Variants in ROBO2 observed in about 807,000 individuals in gnomAD.
ROBO2 encodes the protein roundabout homolog 2.
In ROBO2, 53 loss-of-function variants were observed where a neutral mutation model predicts 160.8. That is an observed-to-expected ratio of 0.33 (90% CI 0.26 to 0.41). ROBO2 has a LOEUF of 0.41. Among genes scored for constraint, ROBO2 ranks in the 10% least tolerant of loss-of-function variants. ROBO2 has a pLI of 1.00. For synonymous variants in ROBO2, 664 were observed against 611.7 expected (o/e 1.09, Z -1.26); for missense variants, 1,577 against 1,722.4 (o/e 0.92, Z 1.49).
chr3:76,207,373 G>C (rs762047217), intron 2 of ROBO2, among the ~76,000 whole-genome samples: 23 of 152,022 alleles, frequency 1.5e-4, no homozygotes, highest in African/African-American at 2.9e-4. Context: ...GGACAATCTT[G>C]GAAGTATACG....
At chr3:76,621,472 G>A (rs2089075832) in intron 2 of ROBO2, among the ~76,000 whole-genome samples, 1 of 152,186 alleles carries the variant, frequency 6.6e-6, no homozygotes, top group Non-Finnish European at 1.5e-5. Flanking sequence ...GAATAGCTCT[G>A]ATGATTCCAA....
intron 2 of ROBO2, among the ~76,000 whole-genome samples, chr3:76,354,824 A>G (rs1391799050): frequency 2.0e-5 from 3 of 151,878 alleles, no homozygotes; most frequent in African/African-American, 7.2e-5. Flanking sequence ...GTCTGTTTAC[A>G]TGTATCATAC....
intron 1 of ROBO2, among the ~76,000 whole-genome samples, chr3:77,054,807 A>G (rs1190742489): frequency 6.6e-6 from 1 of 152,154 alleles, no homozygotes; most frequent in Non-Finnish European, 1.5e-5. Context: ...TCAATTTTAC[A>G]TTCCCATCAA....
At chr3:76,611,847 C>A (rs1442628745) in intron 2 of ROBO2, among the ~76,000 whole-genome samples, 2 of 151,888 alleles carry the variant, frequency 1.3e-5, no homozygotes, top group Admixed American at 6.6e-5. Flanking sequence ...TTAAGATATA[C>A]CTTTAGGTTG....
intron 2 of ROBO2, among the ~76,000 whole-genome samples, chr3:76,510,767 T>G (rs893766028): frequency 6.6e-6 from 1 of 151,900 alleles, no homozygotes; most frequent in Non-Finnish European, 1.5e-5. Flanking sequence ...AAGAAATTAA[T>G]GAAAAACAGA....
chr3:75,917,332 C>T (rs1427786731), intron 1 of ROBO2, among the ~76,000 whole-genome samples: 2 of 152,130 alleles, frequency 1.3e-5, no homozygotes, highest in Admixed American at 1.3e-4. Context: ...GATGATGGTT[C>T]CAGCTTCATC....
chr3:77,157,846 T>C (rs2078148861), intron 2 of ROBO2, among the ~76,000 whole-genome samples: 2 of 152,084 alleles, frequency 1.3e-5, no homozygotes, highest in South Asian at 2.1e-4. Context: ...TGTCAGTGCA[T>C]ATATATTTCT....
At chr3:76,707,960 C>G (rs964694029) in intron 2 of ROBO2, among the ~76,000 whole-genome samples, 1 of 151,976 alleles carries the variant, frequency 6.6e-6, no homozygotes, top group African/African-American at 2.4e-5. Context: ...ATCATCCCCT[C>G]TTGAGAGAAA....
At chr3:76,640,047 A>G (rs1048434341) in intron 2 of ROBO2, among the ~76,000 whole-genome samples, 3 of 152,178 alleles carry the variant, frequency 2.0e-5, no homozygotes, top group African/African-American at 7.2e-5. Flanking sequence ...AGCATTTTTT[A>G]ACTGCGTTGT....
chr3:76,062,682 A>G (rs1304319885), intron 2 of ROBO2, among the ~76,000 whole-genome samples: 1 of 152,200 alleles, frequency 6.6e-6, no homozygotes, highest in Non-Finnish European at 1.5e-5. Flanking sequence ...TTTCCCAGAC[A>G]CAGGCACAGT....
At chr3:76,127,948 T>G (rs924774230) in intron 2 of ROBO2, among the ~76,000 whole-genome samples, 1 of 137,158 alleles carries the variant, frequency 7.3e-6, no homozygotes, top group Non-Finnish European at 1.5e-5. Flanking sequence ...CAGGCTGGAG[T>G]GCAGTGGCGT....
At chr3:76,926,138 G>T (rs1199070034) in intron 2 of ROBO2, among the ~76,000 whole-genome samples, 1 of 152,180 alleles carries the variant, frequency 6.6e-6, no homozygotes, top group African/African-American at 2.4e-5. Context: ...TAAAGTTGCT[G>T]ACTTGCAGAA....
At chr3:77,149,807 T>C (rs79936826) in intron 2 of ROBO2, among the ~76,000 whole-genome samples, 2 of 151,992 alleles carry the variant, frequency 1.3e-5, no homozygotes, top group African/African-American at 4.8e-5. Flanking sequence ...TTTTTTTTTT[T>C]CTGCTTTTGT....
chr3:77,512,357 G>T (rs1438203483), intron 5 of ROBO2, among the ~76,000 whole-genome samples: 3 of 151,918 alleles, frequency 2.0e-5, no homozygotes, highest in African/African-American at 7.2e-5. Context: ...CCTATTTTCA[G>T]CTCTCAAAAT....
chr3:77,310,800 G>A (rs916531140), intron 2 of ROBO2, among the ~76,000 whole-genome samples: 11 of 150,336 alleles, frequency 7.3e-5, no homozygotes, highest in African/African-American at 2.5e-4. Flanking sequence ...TTTAAATATA[G>A]AATTACTATT....
chr3:77,232,617 G>A (rs372718407), intron 2 of ROBO2, among the ~76,000 whole-genome samples: 1 of 152,148 alleles, frequency 6.6e-6, no homozygotes, highest in South Asian at 2.1e-4. Context: ...GAATTACCCA[G>A]GATTGAGGGA....
chr3:76,231,896 A>C (rs1452271980), intron 2 of ROBO2, among the ~76,000 whole-genome samples: 3 of 152,326 alleles, frequency 2.0e-5, no homozygotes, highest in African/African-American at 7.2e-5. Context: ...ACAAAACTGA[A>C]ATTTATTGAC....
intron 2 of ROBO2, among the ~76,000 whole-genome samples, chr3:76,194,350 G>GTGTGTGTATATATA (rs759087780): frequency 8.8e-4 from 37 of 42,050 alleles, no homozygotes; most frequent in African/African-American, 2.1e-3. Flanking sequence ...TGTATGGTGT[G>GTGTGTGTATATATA]TAAATATATA....
At chr3:76,957,716 A>G (rs1261667495) in intron 2 of ROBO2, among the ~76,000 whole-genome samples, 1 of 151,910 alleles carries the variant, frequency 6.6e-6, no homozygotes, top group African/African-American at 2.4e-5. Flanking sequence ...CTGTAATCCC[A>G]GCTACTCAGG....
Sources: allele counts gnomAD v4.1 joint callset (sites outside exome capture counted in the v4.1 genomes callset), GRCh38; gene constraint gnomAD v4.1.1; transcripts MANE v1.5; gene names NCBI Gene and HGNC (gene_info 2026-07-23, HGNC 2026-07-21).